IQSEC2: variants seen among roughly 807,000 people sequenced by gnomAD.
IQSEC2 encodes the protein IQ motif and Sec7 domain ArfGEF 2, also known as IQ motif and SEC7 domain-containing protein 2.
In IQSEC2, 6 loss-of-function variants were observed where a neutral mutation model predicts 74.6. The observed-to-expected ratio is 0.08, with a 90% CI of 0.04 to 0.16. The LOEUF (loss-of-function observed/expected upper bound fraction) is 0.16, where lower values mean the gene tolerates loss of function less well. Ranked by LOEUF, IQSEC2 falls within the 10% of genes least tolerant of loss-of-function variation. The pLI is 1.00. For synonymous variants in IQSEC2, 494 were observed against 544.5 expected, an observed-to-expected ratio of 0.91 and a Z score of 1.29; for missense variants, 734 against 1,306.2, an observed-to-expected ratio of 0.56 and a Z score of 6.75.
chrX:53,250,579 G>A lies in IQSEC2; in HGVS notation c.1997C>T (p.Pro666Leu). The A allele has an allele frequency of 8.3e-7, 1 of 1,210,130 alleles. No individual in the cohort carries two copies. The highest frequency in any genetic ancestry group is 1.7e-5 in the African/African-American group (1 of 57,915). The change falls in exon 5 of 15, where the codon CCC (proline) becomes CTC (leucine). Residue 666 changes from proline (P) to leucine (L), a missense_variant. By Grantham distance (98) the Pro-to-Leu change is moderately conservative (BLOSUM62 -3). Coordinates refer to ENST00000642864, the MANE Select transcript of IQSEC2 (RefSeq NM_001111125.3). ...ACCACTGGGCCCAGTGCCACTGTTG[G>A]GGGCTGGTGGCAGGGGCCCTGGTGG... ...PAPPGPLPPA[P>L]NSGTGPSGVA... is the part of the protein sequence containing the mutation.
intron 2 of IQSEC2, among the ~76,000 whole-genome samples, chrX:53,280,789 C>T (rs1219224088): frequency 9.0e-6 from 1 of 111,684 alleles, no homozygotes; most frequent in Non-Finnish European, 1.9e-5. Flanking sequence ...CCCTGCCCTA[C>T]CCAGTGCAGC....
chrX:53,288,355 C>T (rs1386767368), intron 2 of IQSEC2, among the ~76,000 whole-genome samples: 4 of 111,621 alleles, frequency 3.6e-5, no homozygotes, highest in South Asian at 3.8e-4. Context: ...GCCATAGGGA[C>T]GTCCCTGTCT....
intron 9 of IQSEC2, among the ~76,000 whole-genome samples, chrX:53,242,884 C>G (rs1010403289): frequency 5.4e-5 from 6 of 111,706 alleles, no homozygotes; most frequent in Non-Finnish European, 1.1e-4. Flanking sequence ...TCCAGGCATG[C>G]ACCATCACGC....
At chrX:53,281,888 T>C (rs887707687) in intron 2 of IQSEC2, among the ~76,000 whole-genome samples, 1 of 112,162 alleles carries the variant, frequency 8.9e-6, no homozygotes, top group Non-Finnish European at 1.9e-5. Context: ...GTAATACTGC[T>C]AGTAAGTGGC....
chrX:53,320,340 CTTCTTACT>C, intron 1 of IQSEC2, 69 bp downstream of exon 1: 1 of 931,451 alleles, frequency 1.1e-6, no homozygotes, highest in Non-Finnish European at 1.5e-6. Context: ...CAGACACTGG[CTTCTTACT>C]CTATCAGCTG....
intron 1 of IQSEC2, among the ~76,000 whole-genome samples, chrX:53,311,130 A>AAAAAAAAAAAAAAAAAAAAAAAC (rs2075318222): frequency 1.0e-5 from 1 of 95,743 alleles, no homozygotes; most frequent in Non-Finnish European, 2.1e-5. Context: ...TCAAAAAAAA[A>AAAAAAAAAAAAAAAAAAAAAAAC]AAAAAGAAAA....
chrX:53,245,879 T>C (rs893037149), intron 8 of IQSEC2, among the ~76,000 whole-genome samples: 11 of 97,106 alleles, frequency 1.1e-4, no homozygotes, highest in African/African-American at 1.7e-4. Flanking sequence ...TTTTTTTTTT[T>C]CAAGACAGAG....
Position 53,234,392 on chromosome X carries a change from G to T in IQSEC2, c.4294C>A (p.Pro1432Thr). Residue 1432 changes from proline to threonine, a missense_variant, in exon 15 of 15, where the codon CCA (proline) becomes ACA (threonine). Pro to Thr is a conservative substitution (Grantham distance 38, BLOSUM62 -1). Transcript: ENST00000642864. ...AGGGGTGGATAGGAGGGGTGGGGTG[G>T]GATGGGTGAGTGTGGTGACAATGGT... ...QSPLSPHSPIPPHPSYPPLPP... is the reference protein window; with the variant it reads ...QSPLSPHSPITPHPSYPPLPP... The T allele has an allele frequency of 1.3e-6, 1 of 764,651 alleles. No individual in the cohort carries two copies. Among genetic ancestry groups the T allele is most frequent in the Non-Finnish European group, 1.7e-6 (1 of 580,501 alleles). The allele number at this position is 764,651 out of a possible 1,213,427, so 63.0% of individuals were successfully genotyped here.
At chrX:53,279,729 G>A (rs1238313335) in intron 2 of IQSEC2, 27 of 633,755 alleles carry the variant, frequency 4.3e-5, no homozygotes, top group East Asian at 2.7e-4. Context: ...CAGGGTGGGC[G>A]ATGGGGGCAA....
In IQSEC2 at chrX:53,296,567, T is replaced by G. The variant is rs782259546; in HGVS notation, c.708-4643A>C. 9.0e-5 allele frequency among the ~76,000 whole-genome samples: 10 copies of G among 111,381 alleles called. No homozygotes were observed. In the Middle Eastern group the frequency reaches 0.018, roughly 204 times the overall value. ...ACACTGTCTGCTAAAGGAACTTTTT[T>G]TTTGTTTGTTTGAGACGGAGCCTCA... is the stretch of plus-strand genomic sequence containing the variant. On this transcript the variant is annotated intron_variant, in intron 1 of 14. Coordinates refer to ENST00000642864, the MANE Select transcript of IQSEC2 (RefSeq NM_001111125.3).
intron 2 of IQSEC2, among the ~76,000 whole-genome samples, chrX:53,288,401 C>G (rs1302052382): frequency 9.6e-6 from 1 of 104,631 alleles, no homozygotes; most frequent in Non-Finnish European, 2.0e-5. Flanking sequence ...CCCCTCCCTC[C>G]TTCCCTAGCA....
At chrX:53,311,441 G>C in intron 1 of IQSEC2, among the ~76,000 whole-genome samples, 1 of 110,824 alleles carries the variant, frequency 9.0e-6, no homozygotes, top group Non-Finnish European at 1.9e-5. Flanking sequence ...TCCCCACATA[G>C]GTTATCTCTA....
chrX:53,246,082 G>A (rs986529286), intron 8 of IQSEC2, among the ~76,000 whole-genome samples: 4 of 110,694 alleles, frequency 3.6e-5, no homozygotes, highest in African/African-American at 1.3e-4. Flanking sequence ...GGCTGGTCTG[G>A]AACTCCTGGC....
At chrX:53,241,517 T>C (rs2074221018) in intron 10 of IQSEC2, among the ~76,000 whole-genome samples, 1 of 111,865 alleles carries the variant, frequency 8.9e-6, no homozygotes. Context: ...GGATATTTCC[T>C]ACCACTTCCC....
At chrX:53,319,270 C>T (rs1440077713) in intron 1 of IQSEC2, among the ~76,000 whole-genome samples, 4 of 112,399 alleles carry the variant, frequency 3.6e-5, no homozygotes, top group African/African-American at 1.3e-4. Context: ...CCTGTCCATT[C>T]GCTACAGGAC....
chrX:53,281,487 G>A (rs782057483), intron 2 of IQSEC2: 1 of 1,084,839 alleles, frequency 9.2e-7, no homozygotes, highest in South Asian at 2.0e-5. Context: ...GCGGGGCCCA[G>A]GTTCCTACCT....
intron 2 of IQSEC2, among the ~76,000 whole-genome samples, chrX:53,291,568 G>A (rs1469003977): frequency 2.7e-5 from 3 of 111,183 alleles, no homozygotes; most frequent in Non-Finnish European, 5.7e-5. Context: ...ACCCTGGGAG[G>A]AGAAGGTGGA....
At position 53,250,643 on chromosome X, in the gene IQSEC2, G is replaced by A; in HGVS notation, c.1933C>T (p.His645Tyr). The A allele has an allele frequency of 8.3e-7, 1 of 1,209,106 alleles. No individual in the cohort carries two copies. The highest frequency in any genetic ancestry group is 1.1e-6 in the Non-Finnish European group (1 of 894,142). Reference sequence around the variant, plus strand: ...CCTTCAGGGGCTGGGTAGTGGCGGTGTGGGATCGGGGCCCTGCCTGGTGGC... The same window carrying A: ...CCTTCAGGGGCTGGGTAGTGGCGGTATGGGATCGGGGCCCTGCCTGGTGGC... The part of the protein sequence containing the change: ...KGPPGRAPIP[H>Y]RHYPAPEGPA... The change falls in exon 5 of 15, where the codon CAC becomes TAC. Residue 645 changes from histidine (H) to tyrosine (Y), a missense_variant. Physicochemically the swap from His to Tyr is moderately conservative, Grantham distance 83. Around this residue, in one of 12 missense-constraint regions of IQSEC2, gnomAD observed 204 missense variants for 305.4 expected, o/e 0.67. Transcript: ENST00000642864.
intron 2 of IQSEC2, chrX:53,266,645 G>A (rs1020489464): frequency 2.4e-6 from 2 of 846,696 alleles, no homozygotes; most frequent in South Asian, 4.2e-5. Flanking sequence ...CAGGCTCCAG[G>A]GTGCCTGGGA....
Sources: gnomAD v4.1 joint callset for allele counts (sites outside exome capture counted in the v4.1 genomes callset) on GRCh38, gnomAD v4.1.1 for gene constraint, gnomAD v4.1.1 regional missense constraint, MANE v1.5 for transcripts, NCBI Gene and HGNC (gene_info 2026-07-23, HGNC 2026-07-21) for gene names.